COL21A1: variants seen among roughly 807,000 people sequenced by gnomAD.
COL21A1 encodes collagen type XXI alpha 1 chain, also known as collagen alpha-1(XXI) chain.
A neutral mutation model predicts 137.9 loss-of-function variants in COL21A1; 149 were observed. That is an observed-to-expected ratio of 1.08 (90% CI 0.95 to 1.24). The LOEUF is 1.24. Among genes scored for constraint, COL21A1 ranks in the 50% most tolerant of loss-of-function variants. The probability of loss-of-function intolerance (pLI) is 0.00; values close to 1 mark genes in which losing one functional copy is unlikely to be tolerated. For synonymous variants in COL21A1, 456 were observed against 391.5 expected (o/e 1.16, Z -1.95); for missense variants, 1,167 against 1,158.4 (o/e 1.01, Z -0.11).
Position 56,283,346 on chromosome 6 carries a change from T to C in COL21A1, c.-38-100690A>G, listed in dbSNP as rs148522186. Among the ~76,000 whole-genome samples, 840 of 151,880 alleles carry C rather than the reference T, an allele frequency of 5.5e-3. 3 individuals are homozygous for C. The highest frequency in any genetic ancestry group is 8.5e-3 in the Non-Finnish European group (579 of 67,968). ...GTTTTTTGACAAATATTTAACCATG[T>C]AGAAAAAAAATCTCATCATAAAGGT... is the stretch of plus-strand genomic sequence containing the variant. On this transcript the variant is annotated intron_variant, in intron 1 of 28. Transcript: ENST00000370819.
chr6:56,390,642 G>A (rs1472612869), intron 1 of COL21A1, among the ~76,000 whole-genome samples: 1 of 151,676 alleles, frequency 6.6e-6, no homozygotes, highest in Non-Finnish European at 1.5e-5. Context: ...CTAAAAAAGA[G>A]CAGGAGTACC....
intron 1 of COL21A1, among the ~76,000 whole-genome samples, chr6:56,386,837 GA>G (rs2094019243): frequency 1.3e-5 from 2 of 152,020 alleles, no homozygotes; most frequent in African/African-American, 2.4e-5. Context: ...TAGGGAAAGG[GA>G]AAAAAAGATG....
At chr6:56,091,673 G>A (rs1210667888) in intron 17 of COL21A1, 1 of 152,496 alleles carries the variant, frequency 6.6e-6, no homozygotes, top group Admixed American at 6.6e-5. Context: ...GATTTAGATT[G>A]CCTGATGAAA....
At chr6:56,309,627 A>G (rs1427157661) in intron 1 of COL21A1, among the ~76,000 whole-genome samples, 2 of 152,204 alleles carry the variant, frequency 1.3e-5, no homozygotes, top group South Asian at 2.1e-4. Flanking sequence ...TAGCTCTCAT[A>G]GTTTAGGCAA....
intron 16 of COL21A1, among the ~76,000 whole-genome samples, chr6:56,110,108 A>G (rs1771289277): frequency 6.6e-6 from 1 of 152,062 alleles, no homozygotes; most frequent in Non-Finnish European, 1.5e-5. Context: ...AATTGAATCC[A>G]GTAATGTATA....
chr6:56,372,201 TAGAGA>T (rs2093990786), intron 1 of COL21A1, among the ~76,000 whole-genome samples: 1 of 152,136 alleles, frequency 6.6e-6, no homozygotes, highest in East Asian at 1.9e-4. Context: ...CCACAAATCT[TAGAGA>T]CAGTCAAAGC....
chr6:56,337,492 A>G (rs1765355426), intron 1 of COL21A1, among the ~76,000 whole-genome samples: 1 of 152,208 alleles, frequency 6.6e-6, no homozygotes, highest in South Asian at 2.1e-4. Context: ...GCGGTTCTTA[A>G]TTCTTATTCT....
chr6:56,335,389 G>T (rs1273279606), intron 1 of COL21A1, among the ~76,000 whole-genome samples: 1 of 152,106 alleles, frequency 6.6e-6, no homozygotes, highest in Non-Finnish European at 1.5e-5. Context: ...AAATCAGATT[G>T]CTATCTCTAG....
In COL21A1 at chr6:56,057,593, T is replaced by A. The variant is rs769584438; in HGVS notation, c.*64A>T. On this transcript the variant is annotated 3_prime_UTR_variant, in exon 30 of 30. Transcript: ENST00000244728. The stretch of plus-strand genomic sequence containing the variant: ...TTCAAGGGATTACTGTTGGTTATCT[T>A]CCTGAGATGCAAAAGACCACAGAAA... 3 of 1,492,270 alleles carry A rather than the reference T, an allele frequency of 2.0e-6. No homozygotes were observed. Among genetic ancestry groups the A allele is most frequent in the Non-Finnish European group, 2.8e-6 (3 of 1,076,496 alleles). The allele number at this position is 1,492,270 out of a possible 1,614,324, so 92.4% of individuals were successfully genotyped here.
Position 56,168,158 on chromosome 6 carries a change from AT to A in COL21A1, c.1165del (p.Ile389LeufsTer49). The A allele has an allele frequency of 2.6e-6, 4 of 1,535,956 alleles. No individual in the cohort carries two copies. The highest frequency in any genetic ancestry group is 3.5e-6 in the Non-Finnish European group (4 of 1,137,242). ...LGILINGQTQ[I>X]GKYSGKEETV... ...TTCTTCTTTTCCAGAATATTTTCCA[AT>A]TTGGGTTTGCCCATTGATCAAGATC... On this transcript the variant is annotated frameshift_variant, in exon 6 of 30. Coordinates refer to ENST00000244728, the MANE Select transcript of COL21A1 (RefSeq NM_030820.4). LOFTEE classifies it high-confidence loss of function.
At chr6:56,284,827 C>G (rs1222587311) in intron 1 of COL21A1, among the ~76,000 whole-genome samples, 1 of 152,132 alleles carries the variant, frequency 6.6e-6, no homozygotes, top group Non-Finnish European at 1.5e-5. Context: ...AATAACTTAC[C>G]TTTCTCCAAA....
intron 1 of COL21A1, among the ~76,000 whole-genome samples, chr6:56,302,934 A>G (rs1764338613): frequency 6.6e-6 from 1 of 152,104 alleles, no homozygotes; most frequent in Admixed American, 6.6e-5. Context: ...ATCCAGTTTC[A>G]GCTTTCTACA....
chr6:56,164,845 G>C, intron 7 of COL21A1, 23 bp from the exon 8 acceptor site: 1 of 1,444,752 alleles, frequency 6.9e-7, no homozygotes, highest in South Asian at 1.3e-5. Flanking sequence ...CAACAAATGT[G>C]TTTTAAAATG....
intron 3 of COL21A1, among the ~76,000 whole-genome samples, chr6:56,175,298 G>A (rs949292120): frequency 1.3e-5 from 2 of 151,928 alleles, no homozygotes; most frequent in Non-Finnish European, 2.9e-5. Context: ...AATTAGGCAA[G>A]AAAAGAAATA....
intron 1 of COL21A1, among the ~76,000 whole-genome samples, chr6:56,314,694 A>G (rs9475663): frequency 0.41 from 62,818 of 152,116 alleles, 13,829 homozygotes; most frequent in East Asian, 0.65. Context: ...TCATAGCTCC[A>G]ACTTTGGATT....
chr6:56,167,756 C>G (rs1776705146), intron 6 of COL21A1, among the ~76,000 whole-genome samples: 2 of 152,112 alleles, frequency 1.3e-5, no homozygotes, highest in African/African-American at 2.4e-5. Context: ...TAATTTTATC[C>G]TTGCAGCTGC....
chr6:56,351,836 G>T (rs1254984980), intron 1 of COL21A1, among the ~76,000 whole-genome samples: 3 of 152,186 alleles, frequency 2.0e-5, no homozygotes, highest in African/African-American at 7.2e-5. Context: ...TTCTCCAGAT[G>T]ATTTTAACAA....
rs370217767 is a variant in COL21A1 at position 56,200,034 on chromosome 6, A to C, written c.-38-17378T>G. On this transcript the variant is annotated intron_variant, in intron 1 of 29. Coordinates refer to ENST00000244728, the MANE Select transcript of COL21A1 (RefSeq NM_030820.4). ...GAGGTCAAAGAAGGCCTCTCTAAAAAGGTAACACTTGAGCTGACACTTAAG... is the reference window on the plus strand; with the variant it reads ...GAGGTCAAAGAAGGCCTCTCTAAAACGGTAACACTTGAGCTGACACTTAAG... Among the ~76,000 whole-genome samples, 37 of 152,308 alleles carry C rather than the reference A, an allele frequency of 2.4e-4. No individual in the cohort carries two copies. The South Asian group carries it at 7.7e-3, about 32-fold the overall frequency.
chr6:56,114,428 C>G (rs1771723839), intron 16 of COL21A1, among the ~76,000 whole-genome samples: 1 of 152,202 alleles, frequency 6.6e-6, no homozygotes, highest in Non-Finnish European at 1.5e-5. Flanking sequence ...AATTTTGGAT[C>G]TTTCCTGCTT....
Sources: gnomAD v4.1 joint callset for allele counts (sites outside exome capture counted in the v4.1 genomes callset) on GRCh38, gnomAD v4.1.1 for gene constraint, MANE v1.5 for transcripts, NCBI Gene and HGNC (gene_info 2026-07-23, HGNC 2026-07-21) for gene names.